Variants in CAST observed in about 807,000 individuals in gnomAD.
CAST encodes the protein calpastatin.
In CAST, 76 loss-of-function variants were observed where a neutral mutation model predicts 119.6. The observed-to-expected ratio is 0.64, with a 90% CI of 0.53 to 0.77. The LOEUF (loss-of-function observed/expected upper bound fraction) is 0.77, where lower values mean the gene tolerates loss of function less well. CAST is among the 30% of genes least tolerant of loss of function. CAST has a pLI of 0.00. For synonymous variants in CAST, 319 were observed against 331.6 expected (o/e 0.96, Z 0.41); for missense variants, 953 against 946.5 (o/e 1.01, Z -0.09).
chr5:96,545,687 CCATACAT>C (rs1321234300), intron 1 of CAST, among the ~76,000 whole-genome samples: 1 of 152,118 alleles, frequency 6.6e-6, no homozygotes, highest in African/African-American at 2.4e-5. Context: ...ACCGTTAAGC[CCATACAT>C]AGCCTCTATC....
chr5:96,620,685 AAAG>A, intron 1 of CAST, among the ~76,000 whole-genome samples: 1 of 152,368 alleles, frequency 6.6e-6, no homozygotes, highest in Non-Finnish European at 1.5e-5. Flanking sequence ...CAGCATAAAA[AAAG>A]AAAAAAATTC....
chr5:96,303,023 G>A, the CAST span, among the ~76,000 whole-genome samples: 1 of 152,124 alleles, frequency 6.6e-6, no homozygotes, highest in African/African-American at 2.4e-5. Flanking sequence ...AGAACTACCT[G>A]AGACTGTGTG....
the CAST span, chr5:96,413,016 A>T: frequency 1.1e-6 from 1 of 946,514 alleles, no homozygotes; most frequent in Non-Finnish European, 1.3e-6. Flanking sequence ...CCACACAAGG[A>T]CTCTGGACAG....
At chr5:96,744,827 A>C (rs1581234232) in intron 16 of CAST, among the ~76,000 whole-genome samples, 1 of 152,330 alleles carries the variant, frequency 6.6e-6, no homozygotes, top group Non-Finnish European at 1.5e-5. Context: ...TACTCCAGAG[A>C]GGAAACCCAT....
chr5:96,088,619 C>T, the CAST span, among the ~76,000 whole-genome samples: 1 of 152,130 alleles, frequency 6.6e-6, no homozygotes, highest in Non-Finnish European at 1.5e-5. Context: ...TTTATTCACT[C>T]TAGAAAGTTT....
At chr5:96,693,710 A>C (rs1272430798) in intron 2 of CAST, among the ~76,000 whole-genome samples, 2 of 152,232 alleles carry the variant, frequency 1.3e-5, no homozygotes, top group African/African-American at 4.8e-5. Flanking sequence ...TTGTACATTA[A>C]GGTTGTCAGA....
chr5:96,125,545 T>C, the CAST span, among the ~76,000 whole-genome samples: 1 of 152,306 alleles, frequency 6.6e-6, no homozygotes, highest in Admixed American at 6.5e-5. Flanking sequence ...CTCTAGTATT[T>C]GCAAGCCCTG....
At chr5:96,354,195 T>C in the CAST span, among the ~76,000 whole-genome samples, 6 of 152,178 alleles carry the variant, frequency 3.9e-5, no homozygotes, top group African/African-American at 2.4e-5. Context: ...CCCTGCTCAT[T>C]TTCCCCTTCC....
chr5:96,186,332 C>G, the CAST span, among the ~76,000 whole-genome samples: 2 of 151,934 alleles, frequency 1.3e-5, no homozygotes, highest in Admixed American at 6.6e-5. Context: ...GTTTGAATAC[C>G]CTTCATTTCT....
chr5:95,997,356 G>A, the CAST span, among the ~76,000 whole-genome samples: 3 of 152,118 alleles, frequency 2.0e-5, no homozygotes, highest in African/African-American at 7.2e-5. Flanking sequence ...CTGGGTGTCA[G>A]GGGCTTAAGT....
the CAST span, among the ~76,000 whole-genome samples, chr5:96,120,971 C>G: frequency 6.6e-6 from 1 of 151,980 alleles, no homozygotes; most frequent in African/African-American, 2.4e-5. Context: ...TTCAATACCA[C>G]GTACTTGGTG....
chr5:96,558,877 T>C (rs1746298345), intron 1 of CAST, among the ~76,000 whole-genome samples: 1 of 152,132 alleles, frequency 6.6e-6, no homozygotes, highest in Non-Finnish European at 1.5e-5. Flanking sequence ...ATCATCCTGA[T>C]ACCAAAGCCT....
At chr5:96,616,742 C>CTA (rs1747462649) in intron 1 of CAST, among the ~76,000 whole-genome samples, 1 of 107,506 alleles carries the variant, frequency 9.3e-6, no homozygotes, top group African/African-American at 4.1e-5. Flanking sequence ...CTCTCTCTCT[C>CTA]TCTATATATA....
chr5:96,177,656 A>C, the CAST span, among the ~76,000 whole-genome samples: 1 of 152,156 alleles, frequency 6.6e-6, no homozygotes, highest in African/African-American at 2.4e-5. Flanking sequence ...ATACTTATAA[A>C]ACCGGTTTTT....
intron 1 of CAST, among the ~76,000 whole-genome samples, chr5:96,547,705 G>C (rs912306303): frequency 6.6e-6 from 1 of 152,184 alleles, no homozygotes; most frequent in African/African-American, 2.4e-5. Flanking sequence ...TTAAGTTTGC[G>C]ATAGTCCACA....
At chr5:95,970,643 T>C in the CAST span, among the ~76,000 whole-genome samples, 8,374 of 152,284 alleles carry the variant, frequency 0.055, 681 homozygotes, top group East Asian at 0.43. Context: ...CTAACAGAGA[T>C]AAGGCCACTT....
chr5:96,763,677 T>C (rs1172162040), intron 25 of CAST, among the ~76,000 whole-genome samples: 4 of 152,150 alleles, frequency 2.6e-5, no homozygotes, highest in Non-Finnish European at 4.4e-5. Flanking sequence ...TATTAGGAAA[T>C]CGAAGAGTCA....
At chr5:96,729,461 A>G in intron 7 of CAST, 151 bp from the exon 8 acceptor site, 1 of 619,064 alleles carries the variant, frequency 1.6e-6, no homozygotes. Flanking sequence ...CATCACACTA[A>G]TTGAAATTTA....
chr5:96,038,994 T>A, the CAST span, among the ~76,000 whole-genome samples: 2 of 152,210 alleles, frequency 1.3e-5, no homozygotes, highest in East Asian at 3.9e-4. Context: ...ACCAACAGTG[T>A]AAAAGTGTTC....
Sources: gnomAD v4.1 joint callset for allele counts (sites outside exome capture counted in the v4.1 genomes callset) on GRCh38, gnomAD v4.1.1 for gene constraint, MANE v1.5 for transcripts, NCBI Gene and HGNC (gene_info 2026-07-23, HGNC 2026-07-21) for gene names.